Variants in SLC17A9 observed in about 807,000 individuals in gnomAD.
SLC17A9 encodes solute carrier family 17 member 9.
A neutral mutation model predicts 55.0 loss-of-function variants in SLC17A9; 49 were observed. The observed-to-expected ratio is 0.89, with a 90% CI of 0.71 to 1.13. SLC17A9 has a LOEUF of 1.13. Ranked by LOEUF, SLC17A9 falls within the 50% of genes most tolerant of loss-of-function variation. SLC17A9 has a pLI of 0.00. For missense variants in SLC17A9, 526 were observed against 569.3 expected (o/e 0.92, Z 0.77); for synonymous variants, 256 against 247.4 (o/e 1.03, Z -0.32).
Position 62,967,366 on chromosome 20 carries a change from T to A in SLC17A9, c.1177T>A (p.Leu393Met), listed in dbSNP as rs1309626954. ...GVVGVCLGGYLMETTGSWTCL... is the reference protein window; with the variant it reads ...GVVGVCLGGYMMETTGSWTCL... ...CGTGGGTGTGTGTCTAGGCGGCTAC[T>A]TGATGGAGACCACGGGCTCCTGGAC... is the stretch of plus-strand genomic sequence containing the variant. The change falls in exon 13 of 13, where the codon TTG becomes ATG. Residue 393 changes from leucine (L) to methionine (M), a missense_variant. Physicochemically the swap from Leu to Met is conservative, Grantham distance 15. Transcript: ENST00000370351. The A allele has an allele frequency of 1.2e-6, 2 of 1,614,116 alleles. No individual in the cohort carries two copies. The highest frequency in any genetic ancestry group is 1.7e-6 in the Non-Finnish European group (2 of 1,180,004).
At chr20:62,967,293 G>A in intron 12 of SLC17A9, 44 bp from the exon 13 acceptor site, 1 of 1,609,716 alleles carries the variant, frequency 6.2e-7, no homozygotes, top group South Asian at 1.1e-5. Context: ...GTGGGGCCTG[G>A]GCTGCCCGGG....
intron 7 of SLC17A9, chr20:62,963,925 C>T: frequency 1.7e-6 from 1 of 598,224 alleles, no homozygotes; most frequent in Non-Finnish European, 3.0e-6. Context: ...CTGCAGCCCT[C>T]CCAGCCCTCA....
intron 4 of SLC17A9, among the ~76,000 whole-genome samples, chr20:62,961,980 G>T (rs926576516): frequency 2.6e-5 from 4 of 152,160 alleles, no homozygotes; most frequent in Admixed American, 6.5e-5. Context: ...CCCGCTTTGG[G>T]GCTCTCTCTC....
Position 62,962,764 on chromosome 20 carries a change from G to C in SLC17A9, c.628+10G>C, listed in dbSNP as rs1317781611. The C allele has an allele frequency of 2.5e-6, 4 of 1,613,218 alleles. No individual in the cohort carries two copies. The Admixed American group carries it at 5.0e-5, about 20-fold the overall frequency. On this transcript the variant is annotated intron_variant, in intron 5 of 12. Transcript: ENST00000370351. This position sits in a 1 kb window ranked among gnomAD's most constrained non-coding sequence, Gnocchi z 5.5. ...CTGCTGAGTGAAAAAGGTAACGCAG[G>C]CCGGGCGGGCTAGTCCCGGGCGCCC...
chr20:62,956,670 A>G, intron 1 of SLC17A9, 95 bp from the exon 2 acceptor site: 6 of 1,189,202 alleles, frequency 5.0e-6, no homozygotes, highest in Non-Finnish European at 4.7e-6. Context: ...TTCACAGTCC[A>G]TGTCCCCCAG....
In SLC17A9 at chr20:62,964,368, C is replaced by G. The variant is rs1355928284; in HGVS notation, c.910+53C>G. On this transcript the variant is annotated intron_variant, in intron 8 of 12. Coordinates refer to ENST00000370351, the MANE Select transcript of SLC17A9 (RefSeq NM_022082.4). ...GGAAGCCACACCCTGGTTCACCTCGCTTTCGAGGGGCAGGATGCTCCCATC... is the reference window on the plus strand; with the variant it reads ...GGAAGCCACACCCTGGTTCACCTCGGTTTCGAGGGGCAGGATGCTCCCATC... The G allele has an allele frequency of 6.4e-6, 10 of 1,568,002 alleles. No individual in the cohort carries two copies. The African/African-American group carries it at 1.1e-4, about 17-fold the overall frequency.
intron 2 of SLC17A9, 68 bp downstream of exon 2, chr20:62,957,030 G>T: frequency 6.3e-7 from 1 of 1,596,262 alleles, no homozygotes; most frequent in Non-Finnish European, 8.5e-7. Flanking sequence ...AGGGGCGAGT[G>T]GGCTGGCTGT....
chr20:62,963,600 C>A lies in SLC17A9; in HGVS notation c.742C>A (p.Gln248Lys). 6.3e-7 allele frequency: 1 copy of A among 1,598,468 alleles called. No homozygotes were observed. The highest frequency in any genetic ancestry group is 8.5e-7 in the Non-Finnish European group (1 of 1,172,462). Residue 248 changes from glutamine to lysine, a missense_variant, in exon 7 of 13, where the codon CAG becomes AAG. Transcript: ENST00000370351. ...KPAVWAAVVSQLSAACSFFIL... is the reference protein window; with the variant it reads ...KPAVWAAVVSKLSAACSFFIL... ...GCCCCGCAGGGCAGCCGTCGTCTCCCAGCTCTCTGCAGCCTGCTCCTTCTT... is the reference window on the plus strand; with the variant it reads ...GCCCCGCAGGGCAGCCGTCGTCTCCAAGCTCTCTGCAGCCTGCTCCTTCTT...
chr20:62,966,767 T>G, intron 12 of SLC17A9, 35 bp downstream of exon 12: 1 of 1,596,760 alleles, frequency 6.3e-7, no homozygotes, highest in South Asian at 1.1e-5. Flanking sequence ...GGAGTTCCCC[T>G]GTCTGTGGGG....
At chr20:62,966,804 T>C in intron 12 of SLC17A9, 72 bp downstream of exon 12, 2 of 1,565,126 alleles carry the variant, frequency 1.3e-6, no homozygotes, top group East Asian at 4.5e-5. Context: ...TGCTGCAGGG[T>C]GGGGTTGTGC....
Position 62,962,269 on chromosome 20 carries a change from C to A in SLC17A9, c.498-355C>A, listed in dbSNP as rs904255268. The A allele has an allele frequency of 6.5e-5, 13 of 199,598 alleles. No homozygotes were observed. The highest frequency in any genetic ancestry group is 1.0e-4 in the Non-Finnish European group (10 of 97,548). 12.4% of individuals were successfully genotyped at this position (199,598 alleles called of 1,614,324 possible). On this transcript the variant is annotated intron_variant, in intron 4 of 12. Coordinates refer to ENST00000370351, the MANE Select transcript of SLC17A9 (RefSeq NM_022082.4). This position sits in a 1 kb window ranked among gnomAD's most constrained non-coding sequence, Gnocchi z 5.5. Reference sequence around the variant, plus strand: ...TGGTATATGCTCATCACCGTCTCCTCCTCGGTGCCGTTTTTAGTTGAAAAG... The same window carrying A: ...TGGTATATGCTCATCACCGTCTCCTACTCGGTGCCGTTTTTAGTTGAAAAG...
At chr20:62,954,454 CA>C (rs933596191) in intron 1 of SLC17A9, among the ~76,000 whole-genome samples, 1 of 152,242 alleles carries the variant, frequency 6.6e-6, no homozygotes, top group African/African-American at 2.4e-5. Flanking sequence ...TGCTTCTGCA[CA>C]GGGGCCGTTT....
rs1368407616 is a variant in SLC17A9, at chr20:62,952,872, G to A, written c.42G>A (p.Gly14=). ...ACGAGGCCCGCAGGGACATGGCCGG[G>A]GACACCCAGTGGTCCAGGTGTGGCG... ...PPDEARRDMA[G]DTQWSRPECQ... The change falls in exon 1 of 13, where the codon GGG becomes GGA. Residue 14 remains glycine (G), a synonymous_variant. Transcript: ENST00000370351. 5.4e-6 allele frequency: 7 copies of A among 1,306,678 alleles called. No homozygotes were observed. The highest frequency in any genetic ancestry group is 1.5e-5 in the African/African-American group (1 of 65,080). The allele number at this position is 1,306,678 out of a possible 1,614,324, so 80.9% of individuals were successfully genotyped here.
intron 12 of SLC17A9, 159 bp downstream of exon 12, chr20:62,966,891 C>A (rs2065645810): frequency 1.1e-6 from 1 of 897,568 alleles, no homozygotes; most frequent in Non-Finnish European, 1.6e-6. Context: ...GATGGGGCTG[C>A]CTTCCAGGTT....
intron 7 of SLC17A9, 77 bp from the exon 8 acceptor site, chr20:62,964,151 T>C: frequency 6.9e-7 from 1 of 1,458,152 alleles, no homozygotes; most frequent in South Asian, 1.1e-5. Context: ...ACGGGGGCGC[T>C]GTCCAGCCTG....
At chr20:62,957,872 T>C (rs920732492) in intron 3 of SLC17A9, among the ~76,000 whole-genome samples, 1 of 149,418 alleles carries the variant, frequency 6.7e-6, no homozygotes, top group African/African-American at 2.5e-5. Context: ...TGCAAGTGTG[T>C]GTATGGGCAT....
intron 7 of SLC17A9, 154 bp downstream of exon 7, chr20:62,963,834 G>C: frequency 1.4e-6 from 1 of 706,252 alleles, no homozygotes; most frequent in Non-Finnish European, 2.3e-6. Flanking sequence ...TTCCTCTGGA[G>C]AGGACCCCGT....
At chr20:62,965,068 A>T (rs912182442) in intron 8 of SLC17A9, 64 bp from the exon 9 acceptor site, 1 of 1,596,380 alleles carries the variant, frequency 6.3e-7, no homozygotes, top group Non-Finnish European at 8.6e-7. Context: ...TCGGGATGGG[A>T]CCCCCTCTGG....
At chr20:62,959,706 G>A (rs985909546) in intron 3 of SLC17A9, among the ~76,000 whole-genome samples, 10 of 152,266 alleles carry the variant, frequency 6.6e-5, no homozygotes, top group Non-Finnish European at 1.2e-4. Context: ...GCGGTTAAAA[G>A]TTACAGGCGC....
Sources: gnomAD v4.1 joint callset for allele counts (sites outside exome capture counted in the v4.1 genomes callset) on GRCh38, gnomAD v4.1.1 for gene constraint, Gnocchi (gnomAD v3.1) non-coding constraint, MANE v1.5 for transcripts, NCBI Gene and HGNC (gene_info 2026-07-23, HGNC 2026-07-21) for gene names.